TSEN2: variants seen among roughly 807,000 people sequenced by gnomAD.
TSEN2 encodes the protein tRNA splicing endonuclease subunit 2, also known as tRNA-splicing endonuclease subunit Sen2.
TSEN2 carries 54 observed loss-of-function variants against 59.2 expected under a neutral mutation model. That is an observed-to-expected ratio of 0.91 (90% CI 0.73 to 1.14). The LOEUF is 1.14. Among genes scored for constraint, TSEN2 ranks in the 50% most tolerant of loss-of-function variants. The probability of loss-of-function intolerance (pLI) is 0.00; values close to 1 mark genes in which losing one functional copy is unlikely to be tolerated. For synonymous variants in TSEN2, 195 were observed against 198.2 expected (o/e 0.98, Z 0.14); for missense variants, 636 against 576.2 (o/e 1.10, Z -1.06).
intron 6 of TSEN2, chr3:12,514,597 A>G (rs1213052822): frequency 6.6e-6 from 1 of 152,178 alleles, no homozygotes; most frequent in African/African-American, 2.4e-5. Flanking sequence ...CTAGATTAGG[A>G]TTTGGGTAAA....
chr3:12,486,928 G>A (rs2052674709), intron 1 of TSEN2, among the ~76,000 whole-genome samples: 1 of 152,128 alleles, frequency 6.6e-6, no homozygotes, highest in African/African-American at 2.4e-5. Flanking sequence ...TTGTTGATCT[G>A]GTCAACTATT....
At chr3:12,499,655 G>A (rs1341855692) in intron 4 of TSEN2, among the ~76,000 whole-genome samples, 1 of 152,190 alleles carries the variant, frequency 6.6e-6, no homozygotes, top group African/African-American at 2.4e-5. Context: ...TGGGCTCAGC[G>A]CCAGAGCCTG....
chr3:12,489,272 A>G (rs1265082150), intron 1 of TSEN2, among the ~76,000 whole-genome samples: 1 of 151,966 alleles, frequency 6.6e-6, no homozygotes, highest in Non-Finnish European at 1.5e-5. Flanking sequence ...AAAAATTGGG[A>G]GCTGATTGAC....
intron 1 of TSEN2, among the ~76,000 whole-genome samples, chr3:12,488,462 A>ATTGTT (rs796930693): frequency 1.1e-3 from 175 of 152,214 alleles, no homozygotes; most frequent in African/African-American, 3.8e-3. Flanking sequence ...CACCATTTAC[A>ATTGTT]TTGTTTTCCC....
At chr3:12,499,718 C>CTAAG (rs766019941) in intron 4 of TSEN2, among the ~76,000 whole-genome samples, 3 of 152,166 alleles carry the variant, frequency 2.0e-5, no homozygotes, top group Non-Finnish European at 4.4e-5. Context: ...CCTTCCAGTG[C>CTAAG]TAAGTATCGT....
chr3:12,484,562 T>C lies in TSEN2; in HGVS notation c.-336T>C, dbSNP rs2052391475. On this transcript the variant is annotated 5_prime_UTR_variant, in exon 1 of 12. Coordinates refer to ENST00000284995, the MANE Select transcript of TSEN2 (RefSeq NM_025265.4). ...AAAGCGCGGCCCTTTCCGAGTTTGG[T>C]GTTTTGCAGCGAAAGGAAATCTCGC... 6.6e-6 allele frequency: 1 copy of C among 152,186 alleles called. No individual in the cohort carries two copies. Among genetic ancestry groups the C allele is most frequent in the Non-Finnish European group, 1.5e-5 (1 of 68,068 alleles). 9.4% of individuals were successfully genotyped at this position (152,186 alleles called of 1,614,324 possible).
At chr3:12,484,913 C>G (rs2052439064) in intron 1 of TSEN2, 33 bp downstream of exon 1, 1 of 152,244 alleles carries the variant, frequency 6.6e-6, no homozygotes, top group Admixed American at 6.5e-5. Context: ...GGCGGGGCCC[C>G]TAACGCTGTT....
upstream of TSEN2, chr3:12,484,348 G>C (rs1672248814): frequency 6.6e-6 from 1 of 152,312 alleles, no homozygotes; most frequent in South Asian, 2.1e-4. Flanking sequence ...CAGAGCTGGC[G>C]CACAGAACAC....
rs750807288 is a variant in TSEN2, at chr3:12,489,761, T to C, written c.-17-23T>C. ...TAGTTATTGATTGTCTGTTTCTTTC[T>C]GTTTGTTGTCTACTCTTTAAAGAAT... On this transcript the variant is annotated intron_variant, in intron 1 of 11. Coordinates refer to ENST00000284995, the MANE Select transcript of TSEN2 (RefSeq NM_025265.4). 4 of 1,598,620 alleles carry C rather than the reference T, an allele frequency of 2.5e-6. No individual in the cohort carries two copies. In the African/African-American group the frequency reaches 4.0e-5, roughly 16 times the overall value.
exon 11 of TSEN2, chr3:12,539,167 T>C (rs2057753448): frequency 2.3e-6 from 1 of 443,578 alleles, no homozygotes; most frequent in African/African-American, 2.1e-5. Flanking sequence ...GTAGTCTCGC[T>C]CTGTCGTCCA....
intron 4 of TSEN2, among the ~76,000 whole-genome samples, chr3:12,501,717 T>G (rs1215072413): frequency 1.3e-5 from 2 of 152,208 alleles, no homozygotes; most frequent in Non-Finnish European, 2.9e-5. Context: ...TTCAGTCTTC[T>G]TAACCAGGTA....
upstream of TSEN2, among the ~76,000 whole-genome samples, chr3:12,482,389 G>T (rs942327032): frequency 1.1e-4 from 17 of 152,300 alleles, no homozygotes; most frequent in Admixed American, 9.8e-4. Flanking sequence ...CCAAAGTGCT[G>T]GGATTACAGG....
chr3:12,528,186 A>G (rs560828797), intron 8 of TSEN2, among the ~76,000 whole-genome samples: 15 of 152,324 alleles, frequency 9.8e-5, no homozygotes, highest in Admixed American at 2.6e-4. Flanking sequence ...TGAGTCAGAC[A>G]CTTTGCATTA....
At chr3:12,511,597 C>G (rs2055466325) in intron 6 of TSEN2, among the ~76,000 whole-genome samples, 1 of 146,800 alleles carries the variant, frequency 6.8e-6, no homozygotes, top group Non-Finnish European at 1.5e-5. Flanking sequence ...GGCAGGGTCT[C>G]TCTCTGTCAC....
chr3:12,497,101 T>C (rs1243018231), intron 4 of TSEN2, among the ~76,000 whole-genome samples: 3 of 152,252 alleles, frequency 2.0e-5, no homozygotes, highest in African/African-American at 7.2e-5. Flanking sequence ...CTGTCTTGGC[T>C]GCTGCTCCTC....
Position 12,505,196 on chromosome 3 carries a change from A to G in TSEN2, c.874A>G (p.Arg292Gly), listed in dbSNP as rs770631678. Residue 292 changes from arginine to glycine, a missense_variant, in exon 6 of 12, where the codon AGG becomes GGG. Arg to Gly is a moderately radical substitution (Grantham distance 125). Transcript: ENST00000284995. Reference protein sequence around the residue: ...NRLICRRNPYRIFEYLQLSLE... With the variant: ...NRLICRRNPYGIFEYLQLSLE... ...GTTAATATGCAGAAGAAATCCATAT[A>G]GGATCTTTGAGTATTTGCAACTCAG... 6.2e-7 allele frequency: 1 copy of G among 1,612,110 alleles called. No homozygotes were observed. The highest frequency in any genetic ancestry group is 1.1e-5 in the South Asian group (1 of 91,042).
intron 6 of TSEN2, among the ~76,000 whole-genome samples, chr3:12,513,266 C>T (rs553954306): frequency 1.3e-5 from 2 of 152,228 alleles, no homozygotes; most frequent in Admixed American, 1.3e-4. Flanking sequence ...AAGAAAGAAT[C>T]TCTTATTAGG....
upstream of TSEN2, among the ~76,000 whole-genome samples, chr3:12,483,996 G>C (rs1042770155): frequency 6.6e-6 from 1 of 152,226 alleles, no homozygotes; most frequent in African/African-American, 2.4e-5. Flanking sequence ...TGGGCACACA[G>C]AGGCTTCTGG....
intron 10 of TSEN2, chr3:12,530,505 A>G: frequency 1.0e-6 from 1 of 985,484 alleles, no homozygotes; most frequent in Non-Finnish European, 1.2e-6. Flanking sequence ...AGGACTATCA[A>G]GAAAGAAAGC....
Sources: gnomAD v4.1 joint callset for allele counts (sites outside exome capture counted in the v4.1 genomes callset) on GRCh38, gnomAD v4.1.1 for gene constraint, MANE v1.5 for transcripts, NCBI Gene and HGNC (gene_info 2026-07-23, HGNC 2026-07-21) for gene names.